RANBP17: variants seen among roughly 807,000 people sequenced by gnomAD.
RANBP17 encodes RAN binding protein 17.
RANBP17 carries 158 observed loss-of-function variants against 141.2 expected under a neutral mutation model. That is an observed-to-expected ratio of 1.12 (90% CI 0.98 to 1.28). The LOEUF (loss-of-function observed/expected upper bound fraction) is 1.28, where lower values mean the gene tolerates loss of function less well. RANBP17 is among the 50% of genes most tolerant of loss of function. The pLI is 0.00. For synonymous variants in RANBP17, 430 were observed against 450.0 expected (o/e 0.96, Z 0.56); for missense variants, 1,438 against 1,290.7 (o/e 1.11, Z -1.75).
At chr5:171,061,037 T>C (rs1783803497) in intron 14 of RANBP17, among the ~76,000 whole-genome samples, 1 of 151,852 alleles carries the variant, frequency 6.6e-6, no homozygotes, top group Non-Finnish European at 1.5e-5. Context: ...TTGTGTCTAT[T>C]TGATTCTTCT....
intron 22 of RANBP17, among the ~76,000 whole-genome samples, chr5:171,233,012 C>T (rs1004302736): frequency 6.6e-6 from 1 of 151,996 alleles, no homozygotes; most frequent in Non-Finnish European, 1.5e-5. Flanking sequence ...TCTTTGGATA[C>T]CTCAGTGGGC....
intron 14 of RANBP17, among the ~76,000 whole-genome samples, chr5:171,008,468 G>A (rs1779808265): frequency 6.6e-6 from 1 of 152,158 alleles, no homozygotes; most frequent in African/African-American, 2.4e-5. Context: ...TGAGCAACAA[G>A]ACTGTTTATT....
At chr5:171,288,442 C>T (rs1344227740) in intron 25 of RANBP17, among the ~76,000 whole-genome samples, 3 of 152,238 alleles carry the variant, frequency 2.0e-5, no homozygotes, top group Non-Finnish European at 2.9e-5. Flanking sequence ...GTAGGTCGTA[C>T]AGCCTCAGCC....
chr5:171,175,003 A>C (rs1285635961), intron 16 of RANBP17, among the ~76,000 whole-genome samples: 1 of 151,452 alleles, frequency 6.6e-6, no homozygotes, highest in African/African-American at 2.4e-5. Flanking sequence ...CCCTGTGTCC[A>C]TGTGTTGTCA....
intron 25 of RANBP17, among the ~76,000 whole-genome samples, chr5:171,270,593 CAGTA>C (rs534027438): frequency 6.6e-5 from 10 of 152,056 alleles, no homozygotes; most frequent in African/African-American, 1.9e-4. Flanking sequence ...CGTCACTGAT[CAGTA>C]AGTATTTGTA....
chr5:171,096,406 G>A (rs1419269478), intron 14 of RANBP17, among the ~76,000 whole-genome samples: 1 of 152,164 alleles, frequency 6.6e-6, no homozygotes, highest in Non-Finnish European at 1.5e-5. Context: ...AATTGAATAT[G>A]TTATTGGTGA....
intron 14 of RANBP17, among the ~76,000 whole-genome samples, chr5:171,151,244 T>C (rs1188385297): frequency 6.6e-6 from 1 of 152,230 alleles, no homozygotes; most frequent in Non-Finnish European, 1.5e-5. Flanking sequence ...TATATTTCAC[T>C]TTTCTAGAGC....
At chr5:171,129,832 C>T (rs889571160) in intron 14 of RANBP17, among the ~76,000 whole-genome samples, 14 of 152,106 alleles carry the variant, frequency 9.2e-5, no homozygotes, top group Middle Eastern at 3.2e-3. Context: ...TTCTCTGTTA[C>T]GATGTGCAGA....
chr5:170,962,948 G>A (rs1391923391), intron 13 of RANBP17, among the ~76,000 whole-genome samples: 3 of 152,052 alleles, frequency 2.0e-5, no homozygotes, highest in Admixed American at 1.3e-4. Flanking sequence ...GTTTTGTTTC[G>A]AGAAGTCATT....
chr5:171,207,254 C>G (rs962215691), intron 20 of RANBP17: 1 of 152,634 alleles, frequency 6.6e-6, no homozygotes, highest in African/African-American at 2.4e-5. Context: ...TGAAACCAGT[C>G]TACAACTCTA....
intron 12 of RANBP17, among the ~76,000 whole-genome samples, chr5:170,950,650 A>G (rs372946581): frequency 6.6e-6 from 1 of 152,120 alleles, no homozygotes; most frequent in African/African-American, 2.4e-5. Flanking sequence ...GTAAATTAAA[A>G]CAGCCATTAT....
chr5:171,058,963 T>C (rs1783607201), intron 14 of RANBP17, among the ~76,000 whole-genome samples: 1 of 152,104 alleles, frequency 6.6e-6, no homozygotes, highest in African/African-American at 2.4e-5. Flanking sequence ...ATGTCTTCTT[T>C]TGAGAAGTGT....
intron 14 of RANBP17, among the ~76,000 whole-genome samples, chr5:171,113,653 A>G (rs936238338): frequency 2.6e-5 from 4 of 152,168 alleles, no homozygotes; most frequent in Non-Finnish European, 4.4e-5. Context: ...TGAAGTTCAC[A>G]TAGCTAATAA....
At position 171,027,046 on chromosome 5, in the gene RANBP17, A is replaced by G. The variant is rs148079103; in HGVS notation, c.1710+58669A>G. 4.1e-3 allele frequency among the ~76,000 whole-genome samples: 620 copies of G among 152,254 alleles called. 5 individuals are homozygous for G. The highest frequency in any genetic ancestry group is 0.014 in the African/African-American group (597 of 41,540). On this transcript the variant is annotated intron_variant, in intron 14 of 27. Coordinates refer to ENST00000523189, the MANE Select transcript of RANBP17 (RefSeq NM_022897.5). Reference sequence around the variant, plus strand: ...GACTCCTCATGAGACTCTAATGCCTATGATCTGAGGTGGGACAGTTTTATC... The same window carrying G: ...GACTCCTCATGAGACTCTAATGCCTGTGATCTGAGGTGGGACAGTTTTATC...
chr5:170,962,012 A>T (rs1405262489), intron 13 of RANBP17, among the ~76,000 whole-genome samples: 2 of 152,158 alleles, frequency 1.3e-5, no homozygotes, highest in African/African-American at 4.8e-5. Context: ...ATATATGTAG[A>T]TGTAATGGGT....
At chr5:171,033,165 TG>T (rs1189888493) in intron 14 of RANBP17, among the ~76,000 whole-genome samples, 3 of 150,542 alleles carry the variant, frequency 2.0e-5, no homozygotes, top group Non-Finnish European at 4.4e-5. Flanking sequence ...GACGTTTTAC[TG>T]CTACTAAGCC....
At chr5:170,950,873 A>G (rs1775157638) in intron 12 of RANBP17, among the ~76,000 whole-genome samples, 4 of 152,272 alleles carry the variant, frequency 2.6e-5, no homozygotes, top group Middle Eastern at 6.8e-3. Context: ...GTATATATAC[A>G]TAGTAGAATA....
chr5:170,942,247 C>T (rs1774383448), intron 12 of RANBP17, among the ~76,000 whole-genome samples: 1 of 152,156 alleles, frequency 6.6e-6, no homozygotes, highest in African/African-American at 2.4e-5. Flanking sequence ...TTCCATGCAA[C>T]CTGTGCCTGG....
Position 170,965,566 on chromosome 5 carries a change from A to G in RANBP17, c.1575-2676A>G, listed in dbSNP as rs1290264455. On this transcript the variant is annotated intron_variant, in intron 13 of 27. Transcript: ENST00000523189. Reference sequence around the variant, plus strand: ...GTAAGTCTTTAATCCATCTTGAATTAATTTTTGTATAAGGTGTAAGGAAGG... The same window carrying G: ...GTAAGTCTTTAATCCATCTTGAATTGATTTTTGTATAAGGTGTAAGGAAGG... 1.5e-4 allele frequency among the ~76,000 whole-genome samples: 23 copies of G among 152,184 alleles called. 1 individual carries two copies. Among genetic ancestry groups the G allele is most frequent in the Middle Eastern group, 6.8e-3 (2 of 294 alleles).
Sources: gnomAD v4.1 joint callset for allele counts (sites outside exome capture counted in the v4.1 genomes callset) on GRCh38, gnomAD v4.1.1 for gene constraint, MANE v1.5 for transcripts, NCBI Gene and HGNC (gene_info 2026-07-23, HGNC 2026-07-21) for gene names.